MIPOL1: variants seen among roughly 807,000 people sequenced by gnomAD.
MIPOL1 encodes the protein mirror-image polydactyly gene 1 protein.
A neutral mutation model predicts 60.9 loss-of-function variants in MIPOL1; 57 were observed. The ratio of observed to expected loss-of-function variants is 0.94; its 90% CI spans 0.76 to 1.17. MIPOL1 has a LOEUF of 1.17. MIPOL1 is among the 50% of genes most tolerant of loss of function. MIPOL1 has a pLI of 0.00. For missense variants in MIPOL1, 551 were observed against 511.6 expected (o/e 1.08, Z -0.74); for synonymous variants, 179 against 168.8 (o/e 1.06, Z -0.47).
chr14:37,264,709 G>A (rs1279969126), intron 3 of MIPOL1, among the ~76,000 whole-genome samples: 3 of 152,128 alleles, frequency 2.0e-5, no homozygotes, highest in African/African-American at 7.2e-5. Context: ...GGGAGTCTAG[G>A]TAAAGGGCAT....
chr14:37,320,465 C>G (rs2088453269), intron 9 of MIPOL1, among the ~76,000 whole-genome samples: 1 of 151,948 alleles, frequency 6.6e-6, no homozygotes, highest in Middle Eastern at 3.4e-3. Flanking sequence ...TGTGAAATAT[C>G]TCTTCGAGGC....
At chr14:37,202,043 C>T (rs536794547) in intron 1 of MIPOL1, among the ~76,000 whole-genome samples, 6 of 152,216 alleles carry the variant, frequency 3.9e-5, no homozygotes, top group Admixed American at 2.6e-4. Flanking sequence ...CTTTGTTGTC[C>T]GGTCTAGTAT....
At chr14:37,383,102 CA>C (rs2092969653) in intron 10 of MIPOL1, among the ~76,000 whole-genome samples, 3 of 151,650 alleles carry the variant, frequency 2.0e-5, no homozygotes. Flanking sequence ...GAATCGTGTA[CA>C]ACCATAATCG....
At chr14:37,385,702 ATAATG>A (rs1480863225) in intron 10 of MIPOL1, 1 of 152,116 alleles carries the variant, frequency 6.6e-6, no homozygotes, top group African/African-American at 2.4e-5. Flanking sequence ...ACATTATACT[ATAATG>A]TAACCATTTT....
intron 10 of MIPOL1, among the ~76,000 whole-genome samples, chr14:37,382,191 C>T (rs1038238097): frequency 2.6e-5 from 4 of 151,856 alleles, no homozygotes; most frequent in African/African-American, 7.3e-5. Flanking sequence ...TAAAGTTGTG[C>T]CCTAAAGTGA....
At chr14:37,507,713 C>A (rs1328885644) in intron 12 of MIPOL1, 1 of 152,098 alleles carries the variant, frequency 6.6e-6, no homozygotes, top group Admixed American at 6.6e-5. Context: ...TGTAGCAAAC[C>A]TGCACATTGT....
intron 11 of MIPOL1, among the ~76,000 whole-genome samples, chr14:37,454,031 C>G (rs2094450538): frequency 6.6e-6 from 1 of 152,164 alleles, no homozygotes; most frequent in African/African-American, 2.4e-5. Flanking sequence ...GTTTTATAAT[C>G]AGAAGTTTTT....
intron 1 of MIPOL1, among the ~76,000 whole-genome samples, chr14:37,200,621 C>A (rs1460847096): frequency 6.7e-6 from 1 of 149,674 alleles, no homozygotes; most frequent in African/African-American, 2.5e-5. Flanking sequence ...TACATAGGAA[C>A]CCAAAGTGCT....
intron 11 of MIPOL1, among the ~76,000 whole-genome samples, chr14:37,465,303 T>G (rs2094585087): frequency 6.6e-6 from 1 of 152,186 alleles, no homozygotes; most frequent in Non-Finnish European, 1.5e-5. Context: ...GACAGGATTT[T>G]AGGAACAATT....
At chr14:37,406,267 C>T (rs543471768) in intron 10 of MIPOL1, among the ~76,000 whole-genome samples, 2 of 152,202 alleles carry the variant, frequency 1.3e-5, no homozygotes, top group African/African-American at 2.4e-5. Flanking sequence ...TACCCAGGTG[C>T]TTGTCATGGA....
chr14:37,214,180 A>G (rs990374301), intron 1 of MIPOL1, among the ~76,000 whole-genome samples: 9 of 150,746 alleles, frequency 6.0e-5, no homozygotes, highest in African/African-American at 1.7e-4. Context: ...ACAGAATACT[A>G]TGGCACGGTA....
intron 11 of MIPOL1, among the ~76,000 whole-genome samples, chr14:37,462,223 G>A (rs1296165458): frequency 1.3e-5 from 2 of 152,236 alleles, no homozygotes; most frequent in East Asian, 3.9e-4. Flanking sequence ...AGCTGCCAAG[G>A]CTTGAGGCTT....
intron 11 of MIPOL1, among the ~76,000 whole-genome samples, chr14:37,447,065 A>T (rs2094348367): frequency 6.6e-6 from 1 of 152,060 alleles, no homozygotes; most frequent in East Asian, 1.9e-4. Flanking sequence ...CCTAAAACTT[A>T]AAGTATAATA....
At chr14:37,260,412 G>A (rs897723369) in intron 3 of MIPOL1, among the ~76,000 whole-genome samples, 4 of 152,056 alleles carry the variant, frequency 2.6e-5, no homozygotes, top group Admixed American at 2.0e-4. Context: ...AGATGAGAAG[G>A]CTGTGAACTG....
At chr14:37,271,304 T>C (rs1300509355) in intron 6 of MIPOL1, among the ~76,000 whole-genome samples, 2 of 152,062 alleles carry the variant, frequency 1.3e-5, no homozygotes, top group Non-Finnish European at 2.9e-5. Context: ...CCATTTTAGA[T>C]ATCACTGATT....
At chr14:37,334,855 A>G (rs150025705) in intron 9 of MIPOL1, among the ~76,000 whole-genome samples, 228 of 152,138 alleles carry the variant, frequency 1.5e-3, no homozygotes, top group Non-Finnish European at 1.5e-4. Flanking sequence ...TTATTGCAAA[A>G]TTGATCATTT....
chr14:37,403,502 C>T (rs189772141), intron 10 of MIPOL1, among the ~76,000 whole-genome samples: 10 of 143,828 alleles, frequency 7.0e-5, no homozygotes, highest in South Asian at 6.7e-4. Context: ...TTTTGAACTC[C>T]TGGCTGCAAG....
intron 9 of MIPOL1, among the ~76,000 whole-genome samples, chr14:37,344,519 A>C (rs548154796): frequency 6.6e-6 from 1 of 151,960 alleles, no homozygotes; most frequent in Non-Finnish European, 1.5e-5. Flanking sequence ...ACTACTTTAT[A>C]GGTGGTTTTG....
chr14:37,241,082 G>A (rs1423571359), intron 1 of MIPOL1, among the ~76,000 whole-genome samples: 1 of 152,086 alleles, frequency 6.6e-6, no homozygotes, highest in South Asian at 2.1e-4. Flanking sequence ...GTGCCAGTTC[G>A]AAGGCCTGAG....
Sources: gnomAD v4.1 joint callset for allele counts (sites outside exome capture counted in the v4.1 genomes callset) on GRCh38, gnomAD v4.1.1 for gene constraint, MANE v1.5 for transcripts, NCBI Gene and HGNC (gene_info 2026-07-23, HGNC 2026-07-21) for gene names.